Variants in LRRTM4 observed in about 807,000 individuals in gnomAD.
LRRTM4 encodes the protein leucine rich repeat transmembrane neuronal 4, also known as leucine-rich repeat transmembrane neuronal protein 4.
LRRTM4 carries 25 observed loss-of-function variants against 47.6 expected under a neutral mutation model. That is an observed-to-expected ratio of 0.53 (90% confidence interval 0.38 to 0.73). LRRTM4 has a LOEUF of 0.73. LRRTM4 is among the 30% of genes least tolerant of loss of function. The pLI, the probability that LRRTM4 is intolerant of heterozygous loss-of-function variation, is 0.00. For missense variants in LRRTM4, 638 were observed against 713.4 expected, an observed-to-expected ratio of 0.89 and a Z score of 1.20; for synonymous variants, 311 against 269.5, an observed-to-expected ratio of 1.15 and a Z score of -1.51.
At chr2:77,059,235 T>C (rs1437177367) in intron 3 of LRRTM4, among the ~76,000 whole-genome samples, 1 of 152,194 alleles carries the variant, frequency 6.6e-6, no homozygotes, top group African/African-American at 2.4e-5. Flanking sequence ...ATTGTGTTTG[T>C]CTCAAGTTTT....
At chr2:77,201,894 A>T (rs6757659) in intron 3 of LRRTM4, among the ~76,000 whole-genome samples, 29,846 of 152,072 alleles carry the variant, frequency 0.2, 5,635 homozygotes, top group African/African-American at 0.49. Flanking sequence ...ACAGGGAAGG[A>T]TGTCATCGAT....
In LRRTM4 at chr2:76,893,200, TAAAGG is replaced by T. The variant is rs574337762; in HGVS notation, c.1552-144289_1552-144285del. On this transcript the variant is annotated intron_variant, in intron 3 of 3. Coordinates refer to ENST00000409884, the MANE Select transcript of LRRTM4 (RefSeq NM_001134745.3). The stretch of plus-strand genomic sequence containing the variant: ...AACATCCATTAGTTACATTTTGTAT[TAAAGG>T]AAAAAGATGCTCACACTTGATCTTT... 1.1e-3 allele frequency among the ~76,000 whole-genome samples: 167 copies of T among 151,772 alleles called. 1 individual carries two copies. The highest frequency in any genetic ancestry group is 0.01 in the Middle Eastern group (3 of 294).
At chr2:76,934,287 A>T (rs1674868221) in intron 3 of LRRTM4, among the ~76,000 whole-genome samples, 2 of 152,210 alleles carry the variant, frequency 1.3e-5, no homozygotes, top group Non-Finnish European at 2.9e-5. Flanking sequence ...AGACAGTTAA[A>T]CTATTAAAAG....
intron 3 of LRRTM4, among the ~76,000 whole-genome samples, chr2:76,903,408 C>T (rs191191831): frequency 2.2e-3 from 335 of 150,988 alleles, no homozygotes; most frequent in African/African-American, 7.9e-3. Flanking sequence ...TGGTGGCGGG[C>T]GCCTGTAGTC....
chr2:77,031,603 C>T (rs925769267), intron 3 of LRRTM4, among the ~76,000 whole-genome samples: 4 of 152,036 alleles, frequency 2.6e-5, no homozygotes, highest in African/African-American at 9.7e-5. Context: ...GTCCTAGGAT[C>T]GCTTTTCAGG....
At chr2:76,833,598 ATAAT>A (rs1558682915) in intron 3 of LRRTM4, among the ~76,000 whole-genome samples, 3 of 151,922 alleles carry the variant, frequency 2.0e-5, no homozygotes, top group African/African-American at 7.3e-5. Context: ...TTACCAGTAA[ATAAT>A]ATAATAATAT....
At chr2:76,806,070 A>T (rs888814658) in intron 3 of LRRTM4, among the ~76,000 whole-genome samples, 1 of 152,198 alleles carries the variant, frequency 6.6e-6, no homozygotes, top group African/African-American at 2.4e-5. Context: ...AGATGCACGT[A>T]CAGAACAAGG....
intron 3 of LRRTM4, among the ~76,000 whole-genome samples, chr2:76,990,656 G>T (rs774378386): frequency 6.6e-6 from 1 of 151,450 alleles, no homozygotes; most frequent in Non-Finnish European, 1.5e-5. Flanking sequence ...AAAACAAATA[G>T]GTCTAGACCT....
chr2:76,901,297 C>G (rs1252656898), intron 3 of LRRTM4, among the ~76,000 whole-genome samples: 1 of 152,050 alleles, frequency 6.6e-6, no homozygotes, highest in African/African-American at 2.4e-5. Flanking sequence ...TGAGAACATG[C>G]AGTGTTTGGT....
chr2:77,462,321 T>G lies in LRRTM4; in HGVS notation c.1551+55997A>C, dbSNP rs144658587. Among the ~76,000 whole-genome samples, 782 of 152,246 alleles carry G rather than the reference T, an allele frequency of 5.1e-3. 4 individuals carry two copies. Among genetic ancestry groups the G allele is most frequent in the African/African-American group, 0.018 (747 of 41,562 alleles). The stretch of plus-strand genomic sequence containing the variant: ...AAACCAAATCTTTCAAGGGAATTAT[T>G]ATTGTTGCTAACGAAAGGCAATTAG... On this transcript the variant is annotated intron_variant, in intron 3 of 3. Transcript: ENST00000409884.
At chr2:77,484,831 A>G (rs1456297946) in intron 3 of LRRTM4, among the ~76,000 whole-genome samples, 1 of 152,158 alleles carries the variant, frequency 6.6e-6, no homozygotes, top group African/African-American at 2.4e-5. Flanking sequence ...ATAAAGAACA[A>G]TGCTGCAATC....
intron 3 of LRRTM4, among the ~76,000 whole-genome samples, chr2:76,866,531 C>A (rs532137404): frequency 7.9e-5 from 12 of 151,078 alleles, no homozygotes; most frequent in Non-Finnish European, 1.0e-4. Context: ...AAAATCTTTT[C>A]CTTACAAAAG....
intron 3 of LRRTM4, among the ~76,000 whole-genome samples, chr2:77,049,122 T>TATATATATATATACATATATATATATACA (rs34587249): frequency 1.6e-5 from 1 of 62,698 alleles, no homozygotes; most frequent in African/African-American, 8.8e-5. Flanking sequence ...ATTTCATTTT[T>TATATATATATATACATATATATATATACA]TATATATATA....
At chr2:77,506,514 G>A (rs965072670) in intron 3 of LRRTM4, among the ~76,000 whole-genome samples, 5 of 151,528 alleles carry the variant, frequency 3.3e-5, no homozygotes, top group South Asian at 2.1e-4. Context: ...CTGCACTAAC[G>A]TCAAACATGT....
chr2:77,226,284 A>T (rs911250321), intron 3 of LRRTM4, among the ~76,000 whole-genome samples: 1 of 151,744 alleles, frequency 6.6e-6, no homozygotes, highest in African/African-American at 2.4e-5. Context: ...TCTGGGTAAG[A>T]TGAGCACAGG....
intron 3 of LRRTM4, among the ~76,000 whole-genome samples, chr2:77,496,705 T>A (rs1678377701): frequency 6.6e-6 from 1 of 151,816 alleles, no homozygotes; most frequent in Non-Finnish European, 1.5e-5. Context: ...GTGTATAGAA[T>A]TGTACACAAA....
rs145237692 is a variant in LRRTM4, at chr2:76,960,712, T to C, written c.1552-211796A>G. Among the ~76,000 whole-genome samples, 466 of 151,710 alleles carry C rather than the reference T, an allele frequency of 3.1e-3. 2 individuals are homozygous for C. The highest frequency in any genetic ancestry group is 5.0e-3 in the Non-Finnish European group (339 of 67,690). ...AATCACGACGTTAAGTTTTGAACCTTATTGTCATTTGTTATGTAACACTAT... is the reference window on the plus strand; with the variant it reads ...AATCACGACGTTAAGTTTTGAACCTCATTGTCATTTGTTATGTAACACTAT... On this transcript the variant is annotated intron_variant, in intron 3 of 3. Transcript: ENST00000409884.
intron 3 of LRRTM4, among the ~76,000 whole-genome samples, chr2:77,391,596 C>T (rs1673506170): frequency 1.3e-5 from 2 of 151,946 alleles, no homozygotes; most frequent in African/African-American, 4.8e-5. Context: ...AAGTGTGCCA[C>T]CTGTACATCC....
At chr2:76,909,339 C>T (rs369713642) in intron 3 of LRRTM4, among the ~76,000 whole-genome samples, 5 of 152,170 alleles carry the variant, frequency 3.3e-5, no homozygotes, top group Non-Finnish European at 5.9e-5. Context: ...ATACAAAAAT[C>T]AATTCAAGAT....
Sources: gnomAD v4.1 joint callset for allele counts (sites outside exome capture counted in the v4.1 genomes callset) on GRCh38, gnomAD v4.1.1 for gene constraint, MANE v1.5 for transcripts, NCBI Gene and HGNC (gene_info 2026-07-23, HGNC 2026-07-21) for gene names.